The following SCHIP1 variants were observed in gnomAD, a reference collection of about 807,000 sequenced individuals.
SCHIP1 encodes the protein schwannomin-interacting protein 1.
SCHIP1 carries 8 observed loss-of-function variants against 29.7 expected under a neutral mutation model. That is an observed-to-expected ratio of 0.27 (90% confidence interval 0.16 to 0.49). SCHIP1 has a LOEUF of 0.49. SCHIP1 is among the 20% of genes least tolerant of loss of function. The pLI is 0.99. For synonymous variants in SCHIP1, 76 were observed against 94.9 expected, an observed-to-expected ratio of 0.80 and a Z score of 1.16; for missense variants, 193 against 294.6, an observed-to-expected ratio of 0.66 and a Z score of 2.52.
chr3:159,871,764 T>C (rs1715315033), intron 2 of SCHIP1, among the ~76,000 whole-genome samples: 1 of 144,706 alleles, frequency 6.9e-6, no homozygotes, highest in Non-Finnish European at 1.6e-5. Context: ...TTACTTAATT[T>C]CCTTGATTTC....
the SCHIP1 span, among the ~76,000 whole-genome samples, chr3:159,433,707 T>C: frequency 1.3e-5 from 2 of 152,136 alleles, no homozygotes; most frequent in Non-Finnish European, 2.9e-5. Context: ...AAAATAAGAG[T>C]ACCTGCTGCA....
the SCHIP1 span, among the ~76,000 whole-genome samples, chr3:159,463,441 C>CTGTT: frequency 6.6e-6 from 1 of 151,982 alleles, no homozygotes; most frequent in South Asian, 2.1e-4. Flanking sequence ...GCCAAGTACT[C>CTGTT]TGTTTGATGT....
chr3:159,734,342 C>A, the SCHIP1 span, among the ~76,000 whole-genome samples: 1 of 151,104 alleles, frequency 6.6e-6, no homozygotes, highest in African/African-American at 2.5e-5. Context: ...GGGGTTTTAC[C>A]ATGTGGTCAG....
the SCHIP1 span, among the ~76,000 whole-genome samples, chr3:159,336,951 G>T: frequency 3.3e-5 from 5 of 152,044 alleles, no homozygotes; most frequent in Admixed American, 2.6e-4. Flanking sequence ...CCATTTTCAC[G>T]ATATTGATTC....
chr3:159,799,476 C>A, the SCHIP1 span, among the ~76,000 whole-genome samples: 1 of 152,254 alleles, frequency 6.6e-6, no homozygotes, highest in Non-Finnish European at 1.5e-5. Context: ...CTCCTTGCTG[C>A]CTTCTTGAGG....
chr3:159,686,239 T>C, the SCHIP1 span, among the ~76,000 whole-genome samples: 2 of 152,206 alleles, frequency 1.3e-5, no homozygotes, highest in Non-Finnish European at 2.9e-5. Context: ...CCTGAGAGGC[T>C]GTAACCACAG....
the SCHIP1 span, among the ~76,000 whole-genome samples, chr3:159,299,471 G>A: frequency 6.6e-6 from 1 of 152,118 alleles, no homozygotes; most frequent in African/African-American, 2.4e-5. Flanking sequence ...AAAAAGTGAG[G>A]CAAGAGTAGA....
the SCHIP1 span, among the ~76,000 whole-genome samples, chr3:159,784,067 T>C: frequency 6.6e-6 from 1 of 152,158 alleles, no homozygotes; most frequent in African/African-American, 2.4e-5. Context: ...CCATATGTGA[T>C]GATTGGATTG....
the SCHIP1 span, among the ~76,000 whole-genome samples, chr3:159,393,133 G>C: frequency 3.9e-5 from 6 of 152,096 alleles, no homozygotes; most frequent in Non-Finnish European, 1.5e-5. Flanking sequence ...ATCTGTTCAT[G>C]TCCTTTGCCC....
chr3:159,622,048 C>T, the SCHIP1 span, among the ~76,000 whole-genome samples: 2 of 152,206 alleles, frequency 1.3e-5, no homozygotes, highest in African/African-American at 2.4e-5. Flanking sequence ...TTCAACACAG[C>T]GGCATCCCTT....
the SCHIP1 span, among the ~76,000 whole-genome samples, chr3:159,337,569 CA>C: frequency 6.6e-6 from 1 of 152,032 alleles, no homozygotes; most frequent in Non-Finnish European, 1.5e-5. Context: ...AACAGAGCGC[CA>C]AATCACGAGT....
chr3:159,851,907 G>C (rs772020990), intron 1 of SCHIP1, among the ~76,000 whole-genome samples: 17 of 152,220 alleles, frequency 1.1e-4, no homozygotes, highest in Non-Finnish European at 2.2e-4. Flanking sequence ...GAGACAACTT[G>C]TTATTGTAAC....
At chr3:159,832,545 A>C in the SCHIP1 span, among the ~76,000 whole-genome samples, 3 of 152,084 alleles carry the variant, frequency 2.0e-5, no homozygotes, top group Non-Finnish European at 4.4e-5. Context: ...TCTTAGCCAC[A>C]ACCACCCAGC....
chr3:159,825,960 C>G, the SCHIP1 span, among the ~76,000 whole-genome samples: 1 of 152,092 alleles, frequency 6.6e-6, no homozygotes, highest in African/African-American at 2.4e-5. Flanking sequence ...CCAGAAAACT[C>G]AAAGGCCACC....
At chr3:159,477,381 A>T in the SCHIP1 span, among the ~76,000 whole-genome samples, 40 of 152,164 alleles carry the variant, frequency 2.6e-4, no homozygotes, top group Admixed American at 9.2e-4. Flanking sequence ...TAATAGCTGT[A>T]CTAATTTACA....
chr3:159,523,475 T>C, the SCHIP1 span, among the ~76,000 whole-genome samples: 1 of 152,202 alleles, frequency 6.6e-6, no homozygotes, highest in Non-Finnish European at 1.5e-5. Context: ...AAGTTCAAAG[T>C]AGGTTTTTGT....
chr3:159,633,475 C>T, the SCHIP1 span, among the ~76,000 whole-genome samples: 1 of 152,080 alleles, frequency 6.6e-6, no homozygotes, highest in African/African-American at 2.4e-5. Flanking sequence ...AATTGCAGAA[C>T]ATTGGGAGTA....
chr3:159,503,129 A>C, the SCHIP1 span, among the ~76,000 whole-genome samples: 3 of 152,198 alleles, frequency 2.0e-5, no homozygotes, highest in Non-Finnish European at 4.4e-5. Flanking sequence ...TGTCTCACTG[A>C]CATTAATCAA....
the SCHIP1 span, among the ~76,000 whole-genome samples, chr3:159,517,906 C>A: frequency 6.6e-6 from 1 of 152,058 alleles, no homozygotes; most frequent in Non-Finnish European, 1.5e-5. Flanking sequence ...TATCAATGCA[C>A]TTTTTCCATT....
Sources: gnomAD v4.1 joint callset for allele counts (sites outside exome capture counted in the v4.1 genomes callset) on GRCh38, gnomAD v4.1.1 for gene constraint, MANE v1.5 for transcripts, NCBI Gene and HGNC (gene_info 2026-07-23, HGNC 2026-07-21) for gene names.